Variants in ZNF565 observed in about 807,000 individuals in gnomAD.
ZNF565 encodes zinc finger protein 565.
In ZNF565, 27 loss-of-function variants were observed where a neutral mutation model predicts 39.4. The observed-to-expected ratio is 0.69, with a 90% CI of 0.51 to 0.95. ZNF565 has a LOEUF of 0.95. Among genes scored for constraint, ZNF565 ranks in the 40% least tolerant of loss-of-function variants. ZNF565 has a pLI of 0.00. For missense variants in ZNF565, 524 were observed against 621.1 expected (o/e 0.84, Z 1.66); for synonymous variants, 185 against 216.6 (o/e 0.85, Z 1.28).
chr19:36,239,720 C>T (rs886433214), intron 1 of ZNF565, among the ~76,000 whole-genome samples: 1 of 152,308 alleles, frequency 6.6e-6, no homozygotes, highest in Middle Eastern at 3.4e-3. Context: ...AACCTGCGAG[C>T]TCTGTCACTC....
At chr19:36,196,983 G>A (rs1975783309) in intron 2 of ZNF565, among the ~76,000 whole-genome samples, 1 of 151,230 alleles carries the variant, frequency 6.6e-6, no homozygotes, top group Admixed American at 6.7e-5. Flanking sequence ...TTGAACCTGG[G>A]AGGCAGAGGT....
intron 1 of ZNF565, among the ~76,000 whole-genome samples, chr19:36,208,311 C>T (rs1228715624): frequency 2.0e-5 from 3 of 151,504 alleles, no homozygotes; most frequent in African/African-American, 7.3e-5. Context: ...AGGTGATTCT[C>T]CCACTTCAGC....
At chr19:36,197,572 G>A (rs544550723) in intron 2 of ZNF565, among the ~76,000 whole-genome samples, 1 of 152,050 alleles carries the variant, frequency 6.6e-6, no homozygotes, top group Admixed American at 6.6e-5. Context: ...ACTGTTATTG[G>A]TTGCATAATA....
Position 36,221,279 on chromosome 19 carries a change from G to A in ZNF565, c.56-19229C>T, listed in dbSNP as rs1265007677. ...TTCATTTGTTGTTTTCAGGTTAAGG[G>A]ACTGCTTTTTTTTTTTTTTTTTTTT... On this transcript the variant is annotated intron_variant, in intron 1 of 4. Transcript: ENST00000355114. 2.0e-5 allele frequency among the ~76,000 whole-genome samples: 3 copies of A among 146,400 alleles called. No individual in the cohort carries two copies. In the East Asian group the frequency reaches 6.0e-4, roughly 29 times the overall value.
At chr19:36,214,882 A>C (rs1031127614), upstream of ZNF565, 1 of 152,550 alleles carries the variant, frequency 6.6e-6, no homozygotes, top group Non-Finnish European at 1.5e-5. Context: ...CTAAAGGACT[A>C]CTTACCTCAA....
intron 1 of ZNF565, among the ~76,000 whole-genome samples, chr19:36,207,558 TAACAAACAAACAACAA>T (rs1568422211): frequency 1.3e-5 from 2 of 148,588 alleles, no homozygotes; most frequent in African/African-American, 5.0e-5. Context: ...AAAAAATACA[TAACAAACAAACAACAA>T]AACAAACAAA....
At chr19:36,221,446 G>A (rs1246550974) in intron 1 of ZNF565, among the ~76,000 whole-genome samples, 2 of 151,860 alleles carry the variant, frequency 1.3e-5, no homozygotes, top group African/African-American at 2.4e-5. Context: ...CAGCCACCAC[G>A]CCCGGCTAAT....
chr19:36,227,121 G>GC (rs1316663778), intron 1 of ZNF565, among the ~76,000 whole-genome samples: 1 of 151,820 alleles, frequency 6.6e-6, no homozygotes, highest in Non-Finnish European at 1.5e-5. Context: ...GGGCGCAGTG[G>GC]CTCACACCTG....
rs375100485 is a variant in ZNF565 at position 36,183,418 on chromosome 19, A to G, written c.548T>C (p.Ile183Thr). 4.4e-6 allele frequency: 7 copies of G among 1,608,474 alleles called. No homozygotes were observed. Among genetic ancestry groups the G allele is most frequent in the African/African-American group, 2.7e-5 (2 of 74,950 alleles). ...ACCAGTGTGAATTTTCTGATGTTGA[A>G]TAAGGTGTGAGCCACGGCTAAATGC... ...GKAFSRGSHL[I>T]QHQKIHTGEK... The change falls in exon 5 of 5, where the codon ATT becomes ACT. Residue 183 changes from isoleucine to threonine, a missense_variant. By Grantham distance (89) the Ile-to-Thr change is moderately conservative. Coordinates refer to ENST00000304116, the MANE Select transcript of ZNF565 (RefSeq NM_152477.5).
chr19:36,185,539 C>T (rs1482068809), intron 4 of ZNF565, among the ~76,000 whole-genome samples: 1 of 151,836 alleles, frequency 6.6e-6, no homozygotes, highest in Non-Finnish European at 1.5e-5. Flanking sequence ...TCACATTGAA[C>T]ATTCTCCCCT....
intron 1 of ZNF565, among the ~76,000 whole-genome samples, chr19:36,222,685 A>T (rs992813791): frequency 2.7e-5 from 4 of 150,552 alleles, no homozygotes; most frequent in African/African-American, 9.7e-5. Flanking sequence ...CTGTCTATTC[A>T]TATCCTTTTC....
chr19:36,193,271 C>G (rs929851803), intron 4 of ZNF565, among the ~76,000 whole-genome samples: 3 of 151,608 alleles, frequency 2.0e-5, no homozygotes, highest in African/African-American at 7.3e-5. Flanking sequence ...GTGTGAGCCA[C>G]CACGTCTGGC....
chr19:36,205,953 TTC>T (rs1447239428), intron 1 of ZNF565, among the ~76,000 whole-genome samples: 3 of 150,068 alleles, frequency 2.0e-5, no homozygotes, highest in Admixed American at 6.6e-5. Context: ...TGATCTCACA[TTC>T]TGTTTTTTTT....
chr19:36,224,551 G>A (rs1976992511), intron 1 of ZNF565, among the ~76,000 whole-genome samples: 1 of 152,140 alleles, frequency 6.6e-6, no homozygotes, highest in Admixed American at 6.5e-5. Context: ...TTTTACTATT[G>A]AGGCTTTATC....
chr19:36,215,569 G>A (rs1387917944), upstream of ZNF565, among the ~76,000 whole-genome samples: 1 of 151,958 alleles, frequency 6.6e-6, no homozygotes, highest in African/African-American at 2.4e-5. Context: ...AAATTGAAGG[G>A]GTGGAAAAGC....
At chr19:36,241,484 T>TAAAAA (rs34534450) in intron 1 of ZNF565, among the ~76,000 whole-genome samples, 2 of 109,428 alleles carry the variant, frequency 1.8e-5, no homozygotes, top group Non-Finnish European at 3.7e-5. Context: ...GACTCTGTAT[T>TAAAAA]AAAAAAAAAA....
chr19:36,200,030 A>AT lies in ZNF565; in HGVS notation c.9+1946dup, dbSNP rs556993580. On this transcript the variant is annotated intron_variant, in intron 2 of 4. Coordinates refer to ENST00000304116, the MANE Select transcript of ZNF565 (RefSeq NM_152477.5). ...TTAGAAATTAAAAGAAAGAAATATA[A>AT]TTTTTTTTTTTTTGAGACAGAGTCT... is the stretch of plus-strand genomic sequence containing the variant. Among the ~76,000 whole-genome samples, 1,182 of 144,806 alleles carry AT rather than the reference A, an allele frequency of 8.2e-3. 8 individuals carry two copies. The highest frequency in any genetic ancestry group is 0.012 in the Non-Finnish European group (818 of 65,474). 95.0% of individuals were successfully genotyped at this position (144,806 alleles called of 152,430 possible).
intron 1 of ZNF565, among the ~76,000 whole-genome samples, chr19:36,204,203 G>A (rs1201378954): frequency 1.3e-5 from 2 of 152,112 alleles, no homozygotes; most frequent in Non-Finnish European, 2.9e-5. Context: ...GCCCACCTCG[G>A]CCTCCGAAAG....
intron 1 of ZNF565, among the ~76,000 whole-genome samples, chr19:36,206,154 G>T (rs1976144000): frequency 1.3e-5 from 2 of 151,958 alleles, no homozygotes; most frequent in Admixed American, 1.3e-4. Flanking sequence ...TAGAGACGGG[G>T]ACTCGTCATG....
Sources: allele counts gnomAD v4.1 joint callset (sites outside exome capture counted in the v4.1 genomes callset), GRCh38; gene constraint gnomAD v4.1.1; transcripts MANE v1.5; gene names NCBI Gene and HGNC (gene_info 2026-07-23, HGNC 2026-07-21).